The following TMEM147 variants were observed in gnomAD, a reference collection of about 807,000 sequenced individuals.
TMEM147 encodes transmembrane protein 147, also known as BOS complex subunit TMEM147.
A neutral mutation model predicts 29.4 loss-of-function variants in TMEM147; 29 were observed. That is an observed-to-expected ratio of 0.99 (90% CI 0.73 to 1.34). The LOEUF (loss-of-function observed/expected upper bound fraction) is 1.34. TMEM147 is among the 40% of genes most tolerant of loss of function. The probability of loss-of-function intolerance (pLI) is 0.00; values close to 1 mark genes in which losing one functional copy is unlikely to be tolerated. For synonymous variants in TMEM147, 121 were observed against 111.8 expected, an observed-to-expected ratio of 1.08 and a Z score of -0.52; for missense variants, 260 against 289.4, an observed-to-expected ratio of 0.90 and a Z score of 0.74.
Position 35,546,639 on chromosome 19 carries a change from C to T in TMEM147, c.208-33C>T, listed in dbSNP as rs374642384. ...TTCAGGAATGGGGCTCCCTGTCCCC[C>T]TGTGCTTACTTAAGCCTCAACCTGA... On this transcript the variant is annotated intron_variant, in intron 3 of 6. Transcript: ENST00000222284. 9.9e-5 allele frequency: 160 copies of T among 1,609,482 alleles called. No individual in the cohort carries two copies. In the African/African-American group the frequency reaches 1.7e-3, roughly 17 times the overall value.
rs766267043 is a variant in TMEM147 at position 35,545,770 on chromosome 19, G to C, written c.31G>C (p.Ala11Pro). 31 of 1,613,336 alleles carry C rather than the reference G, an allele frequency of 1.9e-5. No homozygotes were observed. The highest frequency in any genetic ancestry group is 2.5e-5 in the Non-Finnish European group (29 of 1,179,900). The stretch of plus-strand genomic sequence containing the variant: ...CCTGTTTCACTTCGGGAACTGCTTC[G>C]CTCTTGCCTACTTCCCCTACTTCAT... Reference protein sequence around the residue: MTLFHFGNCFALAYFPYFITY... With the variant: MTLFHFGNCFPLAYFPYFITY... The change falls in exon 1 of 7, where the codon GCT becomes CCT. Residue 11 changes from alanine (A) to proline (P), a missense_variant. Ala to Pro is a conservative substitution (Grantham distance 27). Coordinates refer to ENST00000222284, the MANE Select transcript of TMEM147 (RefSeq NM_032635.4).
intron 2 of TMEM147, 197 bp from the exon 3 acceptor site, chr19:35,546,329 G>GC (rs1258784032): frequency 4.6e-6 from 3 of 649,730 alleles, no homozygotes; most frequent in Non-Finnish European, 7.8e-6. Flanking sequence ...CAAACTTCCA[G>GC]CCCCCTCGGG....
Position 35,546,807 on chromosome 19 carries a change from C to T in TMEM147, c.343C>T (p.Arg115Cys), listed in dbSNP as rs1298845885. The change falls in exon 4 of 7, where the codon CGC (arginine) becomes TGC (cysteine). Residue 115 changes from arginine to cysteine, a missense_variant and splice_region_variant. Arg to Cys is a radical substitution (Grantham distance 180). Transcript: ENST00000222284. ...GWATAELIMSRCIPLWVGARG... is the reference protein window; with the variant it reads ...GWATAELIMSCCIPLWVGARG... ...GGCCACTGCTGAGCTTATTATGTCC[C>T]GGTGCGTACAGCAGCCTGGAGCCCA... 7 of 1,614,064 alleles carry T rather than the reference C, an allele frequency of 4.3e-6. No individual in the cohort carries two copies. Among genetic ancestry groups the T allele is most frequent in the East Asian group, 4.5e-5 (2 of 44,894 alleles).
At chr19:35,546,118 G>C in intron 2 of TMEM147, 161 bp downstream of exon 2, 1 of 823,022 alleles carries the variant, frequency 1.2e-6, no homozygotes, top group Non-Finnish European at 1.9e-6. Flanking sequence ...GGACTTTAAA[G>C]AGGGCACGAC....
Position 35,545,684 on chromosome 19 carries a change from C to A in TMEM147, c.-56C>A, listed in dbSNP as rs901444643. 3.2e-6 allele frequency: 5 copies of A among 1,585,746 alleles called. No individual in the cohort carries two copies. Among genetic ancestry groups the A allele is most frequent in the Non-Finnish European group, 4.3e-6 (5 of 1,168,676 alleles). The stretch of plus-strand genomic sequence containing the variant: ...AAGAGCCGGCGGAGCCGGAGACCCG[C>A]TCCCGGAGACGCCGCCTCGCGATCC... On this transcript the variant is annotated 5_prime_UTR_variant, in exon 1 of 7. Coordinates refer to ENST00000222284, the MANE Select transcript of TMEM147 (RefSeq NM_032635.4).
In TMEM147 at chr19:35,545,675, G is replaced by A; in HGVS notation, c.-65G>A. The A allele has an allele frequency of 6.4e-7, 1 of 1,569,508 alleles. No individual in the cohort carries two copies. Among genetic ancestry groups the A allele is most frequent in the African/African-American group, 1.4e-5 (1 of 74,006 alleles). On this transcript the variant is annotated 5_prime_UTR_variant, in exon 1 of 7. Coordinates refer to ENST00000222284, the MANE Select transcript of TMEM147 (RefSeq NM_032635.4). ...CCGTGGCGAAAGAGCCGGCGGAGCC[G>A]GAGACCCGCTCCCGGAGACGCCGCC... is the stretch of plus-strand genomic sequence containing the variant.
chr19:35,546,019 C>T, intron 2 of TMEM147, 62 bp downstream of exon 2: 2 of 1,555,584 alleles, frequency 1.3e-6, no homozygotes, highest in South Asian at 1.2e-5. Context: ...AGGGACCCGC[C>T]CCCGTTGCCT....
chr19:35,546,824 TG>T lies in TMEM147; in HGVS notation c.344+18del. The T allele has an allele frequency of 6.2e-7, 1 of 1,614,174 alleles. No homozygotes were observed. The highest frequency in any genetic ancestry group is 1.7e-5 in the Admixed American group (1 of 60,032). On this transcript the variant is annotated intron_variant, in intron 4 of 6. Coordinates refer to ENST00000222284, the MANE Select transcript of TMEM147 (RefSeq NM_032635.4). ...TTATGTCCCGGTGCGTACAGCAGCC[TG>T]GAGCCCAGACCCCTGAGAAGGGACA...
chr19:35,546,286 C>T, intron 2 of TMEM147: 1 of 603,130 alleles, frequency 1.7e-6, no homozygotes, highest in South Asian at 2.0e-5. Flanking sequence ...CACCTTCAGA[C>T]CTGACTCAGA....
intron 2 of TMEM147, 143 bp downstream of exon 2, chr19:35,546,100 G>A: frequency 1.1e-6 from 1 of 934,574 alleles, no homozygotes; most frequent in Non-Finnish European, 1.6e-6. Flanking sequence ...AGGATACCTA[G>A]AGAGGATGGA....
chr19:35,546,895 G>A lies in TMEM147; in HGVS notation c.345-50G>A, dbSNP rs769819454. 5.6e-6 allele frequency: 9 copies of A among 1,614,176 alleles called. No homozygotes were observed. In the South Asian group the frequency reaches 9.9e-5, roughly 18 times the overall value. On this transcript the variant is annotated intron_variant, in intron 4 of 6. Coordinates refer to ENST00000222284, the MANE Select transcript of TMEM147 (RefSeq NM_032635.4). ...CTGGAGGGCAGGGGCTCAAAGCCTGGTGCTGAAGGTGTCTGAGTACTGGAG... is the reference window on the plus strand; with the variant it reads ...CTGGAGGGCAGGGGCTCAAAGCCTGATGCTGAAGGTGTCTGAGTACTGGAG...
Position 35,547,367 on chromosome 19 carries a change from C to T in TMEM147, c.595C>T (p.Leu199=). The change falls in exon 7 of 7, where the codon CTG becomes TTG. Residue 199 remains leucine (L), a synonymous_variant. Transcript: ENST00000222284. ...LCSLGSWAAL[L]ARAVVTGLLA... is the part of the protein sequence containing the mutation. ...CTCGCTGGGCAGTTGGGCAGCTCTA[C>T]TGGCCCGAGCAGTGGTAACGGGGCT... The T allele has an allele frequency of 6.2e-7, 1 of 1,614,036 alleles. No homozygotes were observed. Among genetic ancestry groups the T allele is most frequent in the Non-Finnish European group, 8.5e-7 (1 of 1,180,040 alleles).
Position 35,545,822 on chromosome 19 carries a change from TGCGGGAAGGGCGCGGG to T in TMEM147, c.77+11_77+26del. 6.2e-7 allele frequency: 1 copy of T among 1,613,774 alleles called. No homozygotes were observed. The highest frequency in any genetic ancestry group is 8.5e-7 in the Non-Finnish European group (1 of 1,179,810). ...ACCTACAAGTGCAGCGGCCTGTGAG[TGCGGGAAGGGCGCGGG>T]GCGGAGAGGGCGCGGGGCCCGGGCC... On this transcript the variant is annotated splice_region_variant and intron_variant, in intron 1 of 6. Transcript: ENST00000222284.
Position 35,547,448 on chromosome 19 carries a change from G to A in TMEM147, c.*1G>A, listed in dbSNP as rs764171279. The A allele has an allele frequency of 1.2e-6, 2 of 1,612,748 alleles. No individual in the cohort carries two copies. The highest frequency in any genetic ancestry group is 1.1e-5 in the South Asian group (1 of 91,074). ...CGCCGTTGTCAATGTGCACTCCTAG[G>A]CTTGGTGTCTCAGACATTGATGTAC... On this transcript the variant is annotated 3_prime_UTR_variant, in exon 7 of 7. Transcript: ENST00000222284.
At chr19:35,546,178 G>A in intron 2 of TMEM147, 1 of 627,452 alleles carries the variant, frequency 1.6e-6, no homozygotes, top group Non-Finnish European at 2.8e-6. Flanking sequence ...GTAAAACTGA[G>A]AAAACCTCAG....
chr19:35,547,052 A>G (rs1272891815), intron 5 of TMEM147, 23 bp downstream of exon 5: 2 of 1,614,134 alleles, frequency 1.2e-6, no homozygotes, highest in Non-Finnish European at 1.7e-6. Flanking sequence ...GCTCTCCCAC[A>G]TACACATTTC....
In TMEM147 at chr19:35,545,828, A is replaced by AAGGGCGCGGGGCGGAG. The variant is rs751523467; in HGVS notation, c.77+25_78-32dup. ...AAGTGCAGCGGCCTGTGAGTGCGGG[A>AAGGGCGCGGGGCGGAG]AGGGCGCGGGGCGGAGAGGGCGCGG... On this transcript the variant is annotated intron_variant, in intron 1 of 6. Transcript: ENST00000222284. 86 of 1,613,652 alleles carry AAGGGCGCGGGGCGGAG rather than the reference A, an allele frequency of 5.3e-5. No homozygotes were observed. The highest frequency in any genetic ancestry group is 7.1e-5 in the Non-Finnish European group (84 of 1,179,872).
chr19:35,545,673 C>A lies in TMEM147; in HGVS notation c.-67C>A. 6.4e-7 allele frequency: 1 copy of A among 1,563,472 alleles called. No homozygotes were observed. The highest frequency in any genetic ancestry group is 1.1e-5 in the South Asian group (1 of 88,494). On this transcript the variant is annotated 5_prime_UTR_variant, in exon 1 of 7. Transcript: ENST00000222284. The stretch of plus-strand genomic sequence containing the variant: ...GGCCGTGGCGAAAGAGCCGGCGGAG[C>A]CGGAGACCCGCTCCCGGAGACGCCG...
chr19:35,546,516 C>G lies in TMEM147; in HGVS notation c.148-10C>G, dbSNP rs1440476853. 6.2e-7 allele frequency: 1 copy of G among 1,609,468 alleles called. No individual in the cohort carries two copies. The highest frequency in any genetic ancestry group is 1.1e-5 in the South Asian group (1 of 90,178). ...CCTTGAAGTGACCTCTTTCTGCTTT[C>G]TGTTCTCAGATGCTGTTCTTGGCCA... is the stretch of plus-strand genomic sequence containing the variant. On this transcript the variant is annotated splice_polypyrimidine_tract_variant and intron_variant, in intron 2 of 6. Transcript: ENST00000222284.
Sources: allele counts gnomAD v4.1 joint callset, GRCh38; gene constraint gnomAD v4.1.1; transcripts MANE v1.5; gene names NCBI Gene and HGNC (gene_info 2026-07-23, HGNC 2026-07-21).